Variants in HSD17B12 observed in about 807,000 individuals in gnomAD.
HSD17B12 encodes the protein hydroxysteroid 17-beta dehydrogenase 12.
HSD17B12 carries 32 observed loss-of-function variants against 39.3 expected under a neutral mutation model. That is an observed-to-expected ratio of 0.81 (90% CI 0.61 to 1.09). HSD17B12 has a LOEUF of 1.09. Among genes scored for constraint, HSD17B12 ranks in the 50% least tolerant of loss-of-function variants. The pLI is 0.00. For missense variants in HSD17B12, 342 were observed against 382.9 expected (o/e 0.89, Z 0.89); for synonymous variants, 150 against 146.7 (o/e 1.02, Z -0.16).
At chr11:43,798,682 T>A (rs1171924226) in intron 4 of HSD17B12, among the ~76,000 whole-genome samples, 4 of 152,206 alleles carry the variant, frequency 2.6e-5, no homozygotes, top group Non-Finnish European at 2.9e-5. Flanking sequence ...AGATATACAG[T>A]TGTCCCTGGG....
At chr11:43,827,770 A>T (rs937124301) in intron 6 of HSD17B12, among the ~76,000 whole-genome samples, 2 of 152,214 alleles carry the variant, frequency 1.3e-5, no homozygotes, top group African/African-American at 2.4e-5. Flanking sequence ...TAAGCGAAAT[A>T]AGCCTCTTAT....
At chr11:43,836,911 T>C (rs1224204851) in intron 7 of HSD17B12, among the ~76,000 whole-genome samples, 1 of 152,208 alleles carries the variant, frequency 6.6e-6, no homozygotes, top group East Asian at 1.9e-4. Flanking sequence ...AATGATATAA[T>C]TAACCCATTG....
chr11:43,710,153 T>A (rs1950051494), intron 1 of HSD17B12, among the ~76,000 whole-genome samples: 1 of 152,246 alleles, frequency 6.6e-6, no homozygotes, highest in African/African-American at 2.4e-5. Context: ...AGGCTTTCTT[T>A]TTCTTAACTC....
chr11:43,775,015 C>T (rs1380678510), intron 3 of HSD17B12, among the ~76,000 whole-genome samples: 2 of 152,170 alleles, frequency 1.3e-5, no homozygotes, highest in Non-Finnish European at 2.9e-5. Context: ...GGTGAGCACT[C>T]TAAAAGAGGG....
chr11:43,563,464 G>T, the HSD17B12 span, among the ~76,000 whole-genome samples: 1 of 152,186 alleles, frequency 6.6e-6, no homozygotes, highest in Non-Finnish European at 1.5e-5. Context: ...GAGTTGATGT[G>T]AATGTGTTAA....
chr11:43,802,561 T>C (rs930768295), intron 4 of HSD17B12, among the ~76,000 whole-genome samples: 2 of 152,160 alleles, frequency 1.3e-5, no homozygotes, highest in Non-Finnish European at 2.9e-5. Context: ...CCTCAGTTTG[T>C]ATGAGGGAAT....
chr11:43,571,877 G>C, the HSD17B12 span, among the ~76,000 whole-genome samples: 1 of 152,128 alleles, frequency 6.6e-6, no homozygotes, highest in African/African-American at 2.4e-5. Flanking sequence ...TTTAACAAGG[G>C]GAGGGGATCT....
intron 1 of HSD17B12, among the ~76,000 whole-genome samples, chr11:43,700,159 G>T (rs1041450826): frequency 2.0e-5 from 3 of 152,052 alleles, no homozygotes; most frequent in Non-Finnish European, 4.4e-5. Flanking sequence ...CGTGTACTTG[G>T]CATTGCTGGC....
At chr11:43,654,314 G>A in the HSD17B12 span, among the ~76,000 whole-genome samples, 1 of 152,082 alleles carries the variant, frequency 6.6e-6, no homozygotes, top group Non-Finnish European at 1.5e-5. Context: ...CAGATGAGTA[G>A]GTTGCAAAAA....
the HSD17B12 span, among the ~76,000 whole-genome samples, chr11:43,594,744 T>C: frequency 6.6e-6 from 1 of 152,174 alleles, no homozygotes; most frequent in Non-Finnish European, 1.5e-5. Flanking sequence ...TCGTTTGTTT[T>C]TCATTTTCTT....
chr11:43,687,065 C>T (rs1949807638), intron 1 of HSD17B12, among the ~76,000 whole-genome samples: 1 of 152,156 alleles, frequency 6.6e-6, no homozygotes, highest in African/African-American at 2.4e-5. Flanking sequence ...GTTTAGAATG[C>T]ATGGGTAAAC....
chr11:43,674,803 C>G, the HSD17B12 span, among the ~76,000 whole-genome samples: 1 of 152,222 alleles, frequency 6.6e-6, no homozygotes, highest in African/African-American at 2.4e-5. Flanking sequence ...CACCCTCACT[C>G]AATTTCTGCA....
chr11:43,619,227 T>TAA, the HSD17B12 span, among the ~76,000 whole-genome samples: 1 of 35,984 alleles, frequency 2.8e-5, no homozygotes, highest in Non-Finnish European at 5.8e-5. Context: ...TATATATATA[T>TAA]GATATATATA....
At chr11:43,726,135 T>G (rs1245353244) in intron 1 of HSD17B12, among the ~76,000 whole-genome samples, 1 of 152,196 alleles carries the variant, frequency 6.6e-6, no homozygotes, top group Non-Finnish European at 1.5e-5. Context: ...TAATGCTAAT[T>G]AGGTATCACA....
the HSD17B12 span, among the ~76,000 whole-genome samples, chr11:43,594,902 C>T: frequency 7.9e-5 from 12 of 152,110 alleles, no homozygotes; most frequent in African/African-American, 2.7e-4. Flanking sequence ...GCAGAGCAAA[C>T]ACCTTTTACT....
chr11:43,667,779 G>C, the HSD17B12 span, among the ~76,000 whole-genome samples: 1 of 152,130 alleles, frequency 6.6e-6, no homozygotes, highest in African/African-American at 2.4e-5. Context: ...TCCACTTAAG[G>C]CATCATGTTG....
the HSD17B12 span, among the ~76,000 whole-genome samples, chr11:43,612,933 C>T: frequency 3.3e-5 from 5 of 152,088 alleles, no homozygotes; most frequent in African/African-American, 1.2e-4. Context: ...TCATCAAGAC[C>T]ATGCATCAGA....
intron 9 of HSD17B12, among the ~76,000 whole-genome samples, chr11:43,840,858 ACT>A: frequency 6.6e-6 from 1 of 152,096 alleles, no homozygotes; most frequent in Non-Finnish European, 1.5e-5. Flanking sequence ...TCTCTTGCAA[ACT>A]CTGTTTTCAA....
chr11:43,750,139 A>G (rs1347876183), intron 1 of HSD17B12, among the ~76,000 whole-genome samples: 1 of 151,666 alleles, frequency 6.6e-6, no homozygotes, highest in Non-Finnish European at 1.5e-5. Flanking sequence ...TGTACAGCTC[A>G]GTGAATCTAC....
Sources: allele counts gnomAD v4.1 joint callset (sites outside exome capture counted in the v4.1 genomes callset), GRCh38; gene constraint gnomAD v4.1.1; transcripts MANE v1.5; gene names NCBI Gene and HGNC (gene_info 2026-07-23, HGNC 2026-07-21).